DAB1: variants seen among roughly 807,000 people sequenced by gnomAD.
DAB1 encodes the protein disabled homolog 1.
DAB1 carries 15 observed loss-of-function variants against 64.6 expected under a neutral mutation model. The ratio of observed to expected loss-of-function variants is 0.23; its 90% confidence interval spans 0.16 to 0.36. The LOEUF is 0.36. Ranked by LOEUF, DAB1 falls within the 10% of genes least tolerant of loss-of-function variation. DAB1 has a pLI of 1.00. For missense variants in DAB1, 596 were observed against 706.7 expected (o/e 0.84, Z 1.78); for synonymous variants, 235 against 251.9 (o/e 0.93, Z 0.64).
Position 57,500,854 on chromosome 1 carries a change from G to C in DAB1, n.625+148738C>G, listed in dbSNP as rs140856878. Reference sequence around the variant, plus strand: ...AAAGCAGAGGTAGTGAGTGGTCATGGAGGTGAATTCTGGAAAGCAAGAGCC... The same window carrying C: ...AAAGCAGAGGTAGTGAGTGGTCATGCAGGTGAATTCTGGAAAGCAAGAGCC... On this transcript the variant is annotated intron_variant and non_coding_transcript_variant, in intron 7 of 20. Coordinates refer to the DAB1 transcript ENST00000485760. Among the ~76,000 whole-genome samples, 356 of 152,290 alleles carry C rather than the reference G, an allele frequency of 2.3e-3. 3 individuals carry two copies. Among genetic ancestry groups the C allele is most frequent in the Middle Eastern group, 0.014 (4 of 294 alleles).
chr1:58,534,124 A>C lies in DAB1; in HGVS notation n.33-6789T>G, dbSNP rs774299098. ...CATAAAAAATAAGGACAATAAATTTAACAATTACAATGCGTTTGAGAACAT... is the reference window on the plus strand; with the variant it reads ...CATAAAAAATAAGGACAATAAATTTCACAATTACAATGCGTTTGAGAACAT... On this transcript the variant is annotated intron_variant and non_coding_transcript_variant, in intron 1 of 20. Transcript: ENST00000485760. 8.1e-6 allele frequency: 7 copies of C among 867,230 alleles called. 1 individual carries two copies. The highest frequency in any genetic ancestry group is 4.3e-4 in the Middle Eastern group (2 of 4,598). 53.7% of individuals were successfully genotyped at this position (867,230 alleles called of 1,614,324 possible).
intron 7 of DAB1, among the ~76,000 whole-genome samples, chr1:57,594,369 A>C (rs1645481177): frequency 6.6e-6 from 1 of 152,198 alleles, no homozygotes; most frequent in Non-Finnish European, 1.5e-5. Context: ...GGATTTTAAC[A>C]AATGAAGCCA....
intron 7 of DAB1, among the ~76,000 whole-genome samples, chr1:57,454,561 C>A (rs2101162052): frequency 6.6e-6 from 1 of 152,112 alleles, no homozygotes; most frequent in African/African-American, 2.4e-5. Context: ...GGGTGCTGGG[C>A]TTAGTACCTG....
chr1:58,452,441 G>A (rs1261087518), intron 3 of DAB1, among the ~76,000 whole-genome samples: 2 of 151,882 alleles, frequency 1.3e-5, no homozygotes, highest in Non-Finnish European at 2.9e-5. Context: ...GATGATGTGG[G>A]CCAACTGGAA....
At chr1:57,165,408 A>G (rs758614781) in intron 2 of DAB1, among the ~76,000 whole-genome samples, 3 of 152,310 alleles carry the variant, frequency 2.0e-5, no homozygotes, top group South Asian at 4.1e-4. Flanking sequence ...AAATGTGACA[A>G]ATTTTGATAA....
At chr1:57,582,947 C>T (rs977213229) in intron 7 of DAB1, among the ~76,000 whole-genome samples, 1 of 152,184 alleles carries the variant, frequency 6.6e-6, no homozygotes, top group Non-Finnish European at 1.5e-5. Flanking sequence ...AAAAGACTTC[C>T]AGTTCTGATG....
intron 6 of DAB1, among the ~76,000 whole-genome samples, chr1:57,656,818 C>T (rs1646324434): frequency 6.6e-6 from 1 of 152,160 alleles, no homozygotes; most frequent in Admixed American, 6.5e-5. Flanking sequence ...TTCTTAATAA[C>T]ATGTGAGCTC....
intron 3 of DAB1, among the ~76,000 whole-genome samples, chr1:58,449,327 C>G (rs1300510981): frequency 2.6e-5 from 4 of 152,176 alleles, no homozygotes; most frequent in Admixed American, 2.6e-4. Context: ...TTTTCAGACG[C>G]AGCTGCAAAG....
At chr1:57,019,882 C>T (rs1260411836) in intron 11 of DAB1, among the ~76,000 whole-genome samples, 2 of 152,178 alleles carry the variant, frequency 1.3e-5, no homozygotes, top group Non-Finnish European at 2.9e-5. Flanking sequence ...CAGCCAGATG[C>T]TGACACCTGG....
intron 3 of DAB1, among the ~76,000 whole-genome samples, chr1:58,399,016 A>G (rs1644548204): frequency 6.6e-6 from 1 of 152,216 alleles, no homozygotes; most frequent in South Asian, 2.1e-4. Context: ...AAGGAAGACC[A>G]CCACGGATTG....
chr1:57,531,049 C>A (rs1644657648), intron 7 of DAB1, among the ~76,000 whole-genome samples: 1 of 152,150 alleles, frequency 6.6e-6, no homozygotes, highest in Non-Finnish European at 1.5e-5. Flanking sequence ...AATCAAGTAC[C>A]AGTGTCAAGC....
chr1:57,339,009 A>T (rs970204562), intron 1 of DAB1, among the ~76,000 whole-genome samples: 1 of 152,182 alleles, frequency 6.6e-6, no homozygotes, highest in African/African-American at 2.4e-5. Context: ...TCACTCTTGA[A>T]TGAAGATCGG....
chr1:58,512,148 A>G (rs1004835073), intron 2 of DAB1, among the ~76,000 whole-genome samples: 2 of 152,222 alleles, frequency 1.3e-5, no homozygotes, highest in African/African-American at 4.8e-5. Flanking sequence ...GTATTAGAAA[A>G]AATGTTCAAT....
At chr1:58,359,919 A>G (rs944233673) in intron 3 of DAB1, among the ~76,000 whole-genome samples, 1 of 152,170 alleles carries the variant, frequency 6.6e-6, no homozygotes, top group Non-Finnish European at 1.5e-5. Context: ...GATTTTAGGC[A>G]AGGTGATTCA....
At chr1:57,909,990 G>C (rs1644616426) in intron 5 of DAB1, among the ~76,000 whole-genome samples, 1 of 152,166 alleles carries the variant, frequency 6.6e-6, no homozygotes, top group Admixed American at 6.5e-5. Context: ...TTCCAGATGA[G>C]TGAAGTGTCT....
intron 5 of DAB1, among the ~76,000 whole-genome samples, chr1:58,126,822 T>A (rs951639680): frequency 1.5e-4 from 23 of 150,742 alleles, no homozygotes; most frequent in African/African-American, 5.1e-4. Context: ...TATTCCATGG[T>A]GTATATGTGC....
chr1:57,486,696 T>A (rs11810661), intron 7 of DAB1, among the ~76,000 whole-genome samples: 1 of 152,140 alleles, frequency 6.6e-6, no homozygotes, highest in African/African-American at 2.4e-5. Flanking sequence ...GGTAAAACCC[T>A]CAGTGGGATG....
intron 1 of DAB1, among the ~76,000 whole-genome samples, chr1:57,388,891 A>C (rs1009439382): frequency 2.6e-5 from 4 of 152,210 alleles, no homozygotes; most frequent in Non-Finnish European, 4.4e-5. Flanking sequence ...CCTCAGCAAC[A>C]AACATTATTT....
chr1:58,319,446 A>G (rs1383119980), intron 4 of DAB1, among the ~76,000 whole-genome samples: 1 of 150,886 alleles, frequency 6.6e-6, no homozygotes, highest in Non-Finnish European at 1.5e-5. Flanking sequence ...TGTAATTAAT[A>G]GACAGAAAAG....
Sources: gnomAD v4.1 joint callset for allele counts (sites outside exome capture counted in the v4.1 genomes callset) on GRCh38, gnomAD v4.1.1 for gene constraint, MANE v1.5 for transcripts, NCBI Gene and HGNC (gene_info 2026-07-23, HGNC 2026-07-21) for gene names.